Variants in STAG1 observed in about 807,000 individuals in gnomAD.
STAG1 encodes the protein cohesin subunit SA-1.
A neutral mutation model predicts 170.9 loss-of-function variants in STAG1; 26 were observed. That is an observed-to-expected ratio of 0.15 (90% CI 0.11 to 0.21). The LOEUF (loss-of-function observed/expected upper bound fraction) is 0.21. Among genes scored for constraint, STAG1 ranks in the 10% least tolerant of loss-of-function variants. The pLI, the probability that STAG1 is intolerant of heterozygous loss-of-function variation, is 1.00. For missense variants in STAG1, 964 were observed against 1,509.5 expected (o/e 0.64, Z 5.99); for synonymous variants, 514 against 497.7 (o/e 1.03, Z -0.44).
chr3:136,436,626 T>C (rs1483018695), intron 15 of STAG1, among the ~76,000 whole-genome samples: 5 of 151,976 alleles, frequency 3.3e-5, no homozygotes, highest in African/African-American at 1.2e-4. Flanking sequence ...TCTTTCTTTC[T>C]CCTTCCCTCT....
At chr3:136,367,870 G>A (rs1277765815) in intron 24 of STAG1, among the ~76,000 whole-genome samples, 2 of 152,058 alleles carry the variant, frequency 1.3e-5, no homozygotes, top group Non-Finnish European at 2.9e-5. Context: ...ACCCCACTGG[G>A]GTTTCTATTT....
chr3:136,513,509 G>T (rs932688261), intron 7 of STAG1, among the ~76,000 whole-genome samples: 1 of 152,024 alleles, frequency 6.6e-6, no homozygotes, highest in Non-Finnish European at 1.5e-5. Context: ...AAAATTTCAG[G>T]ATATCATCAT....
chr3:136,463,744 T>C (rs75444292), intron 13 of STAG1, among the ~76,000 whole-genome samples: 3,345 of 56,268 alleles, frequency 0.059, 77 homozygotes, highest in Non-Finnish European at 0.083. Flanking sequence ...TATGTGTGTG[T>C]GTGTGTGTGT....
intron 6 of STAG1, among the ~76,000 whole-genome samples, chr3:136,528,731 C>T (rs1056155958): frequency 8.6e-5 from 13 of 151,920 alleles, no homozygotes; most frequent in Non-Finnish European, 4.4e-5. Flanking sequence ...GAGTGGATTC[C>T]TTGAGCTCAG....
intron 1 of STAG1, among the ~76,000 whole-genome samples, chr3:136,649,374 G>A (rs1308132285): frequency 6.6e-6 from 1 of 151,932 alleles, no homozygotes; most frequent in Non-Finnish European, 1.5e-5. Context: ...AGCTACTCTG[G>A]AGGCTGAGGC....
intron 6 of STAG1, among the ~76,000 whole-genome samples, chr3:136,541,061 T>C (rs1265438266): frequency 6.6e-6 from 1 of 152,040 alleles, no homozygotes; most frequent in Non-Finnish European, 1.5e-5. Flanking sequence ...AGCTTTGGTA[T>C]ACATTAGAAT....
At chr3:136,404,832 G>T (rs2087429400) in intron 21 of STAG1, among the ~76,000 whole-genome samples, 1 of 151,310 alleles carries the variant, frequency 6.6e-6, no homozygotes. Context: ...TAAGACTAGA[G>T]AATAATAGTA....
intron 9 of STAG1, among the ~76,000 whole-genome samples, chr3:136,496,163 C>A (rs1309544648): frequency 4.0e-5 from 6 of 151,644 alleles, no homozygotes; most frequent in Admixed American, 1.3e-4. Context: ...AACAAACAAA[C>A]AAAAAAACCC....
chr3:136,552,167 G>A (rs779741456), intron 5 of STAG1, among the ~76,000 whole-genome samples: 1 of 152,000 alleles, frequency 6.6e-6, no homozygotes, highest in Non-Finnish European at 1.5e-5. Context: ...TCTTCAAGTA[G>A]GCCCAAGAAA....
intron 29 of STAG1, among the ~76,000 whole-genome samples, chr3:136,345,098 T>A (rs1936164568): frequency 6.6e-6 from 1 of 151,944 alleles, no homozygotes; most frequent in Non-Finnish European, 1.5e-5. Flanking sequence ...TATAAATATA[T>A]ATATATTTTT....
chr3:136,618,710 T>C (rs942144332), intron 3 of STAG1, among the ~76,000 whole-genome samples: 5 of 152,164 alleles, frequency 3.3e-5, no homozygotes, highest in Admixed American at 6.6e-5. Context: ...ATAGTTTTTC[T>C]TTTCTTTAAG....
intron 1 of STAG1, among the ~76,000 whole-genome samples, chr3:136,689,236 C>T (rs1328630763): frequency 6.6e-6 from 1 of 152,078 alleles, no homozygotes; most frequent in African/African-American, 2.4e-5. Context: ...TATTGCATAC[C>T]CATGGGAAGG....
At chr3:136,444,149 C>T (rs1237861925) in intron 14 of STAG1, among the ~76,000 whole-genome samples, 3 of 152,188 alleles carry the variant, frequency 2.0e-5, no homozygotes, top group South Asian at 4.1e-4. Flanking sequence ...CCTCAGCTCA[C>T]TGCAACCTCC....
At chr3:136,390,270 C>G (rs749248773) in intron 22 of STAG1, among the ~76,000 whole-genome samples, 1 of 152,082 alleles carries the variant, frequency 6.6e-6, no homozygotes, top group Non-Finnish European at 1.5e-5. Context: ...TTTTCTAAAT[C>G]GAAGATATTT....
At position 136,526,900 on chromosome 3, in the gene STAG1, T is replaced by G. The variant is rs376723423; in HGVS notation, c.472-5483A>C. ...ATTCTGGGTTGAAAATTCTTTTCTT[T>G]AAGAATGTTGAATGTTGGCTCCCAC... On this transcript the variant is annotated intron_variant, in intron 6 of 33. Coordinates refer to ENST00000383202, the MANE Select transcript of STAG1 (RefSeq NM_005862.3). Among the ~76,000 whole-genome samples, 570 of 152,338 alleles carry G rather than the reference T, an allele frequency of 3.7e-3. 2 individuals are homozygous for G. The highest frequency in any genetic ancestry group is 5.4e-3 in the Non-Finnish European group (365 of 68,028).
At chr3:136,518,636 A>G (rs1228631904) in intron 7 of STAG1, among the ~76,000 whole-genome samples, 1 of 152,152 alleles carries the variant, frequency 6.6e-6, no homozygotes, top group African/African-American at 2.4e-5. Flanking sequence ...AGATATAACC[A>G]TTAATTAGTG....
intron 5 of STAG1, among the ~76,000 whole-genome samples, chr3:136,556,863 A>T (rs892971789): frequency 3.3e-5 from 5 of 152,144 alleles, no homozygotes; most frequent in Non-Finnish European, 5.9e-5. Context: ...GATTACAGGT[A>T]CGAGCCACTG....
At chr3:136,464,284 AG>A (rs1185300721) in intron 13 of STAG1, among the ~76,000 whole-genome samples, 3 of 151,834 alleles carry the variant, frequency 2.0e-5, no homozygotes, top group Non-Finnish European at 4.4e-5. Context: ...TTAGCCGGGC[AG>A]GGTGGCGCAT....
chr3:136,509,822 G>A lies in STAG1; in HGVS notation c.677-7043C>T, dbSNP rs138523573. 3.0e-4 allele frequency among the ~76,000 whole-genome samples: 46 copies of A among 152,174 alleles called. No individual in the cohort carries two copies. In the East Asian group the frequency reaches 8.5e-3, roughly 28 times the overall value. ...GTCTTGCTAAACATAAAACTGAAAA[G>A]TAAAAAACTGCATTTATATTTAGTG... On this transcript the variant is annotated intron_variant, in intron 7 of 33. Transcript: ENST00000383202.
Sources: gnomAD v4.1 joint callset for allele counts (sites outside exome capture counted in the v4.1 genomes callset) on GRCh38, gnomAD v4.1.1 for gene constraint, MANE v1.5 for transcripts, NCBI Gene and HGNC (gene_info 2026-07-23, HGNC 2026-07-21) for gene names.